FAT2: variants seen among roughly 807,000 people sequenced by gnomAD.
FAT2 encodes the protein protocadherin Fat 2.
A neutral mutation model predicts 295.3 loss-of-function variants in FAT2; 150 were observed. That is an observed-to-expected ratio of 0.51 (90% CI 0.44 to 0.58). The LOEUF (loss-of-function observed/expected upper bound fraction) is 0.58, where lower values mean the gene tolerates loss of function less well. FAT2 is among the 20% of genes least tolerant of loss of function. The probability of loss-of-function intolerance (pLI) is 0.00; values close to 1 mark genes in which losing one functional copy is unlikely to be tolerated. For synonymous variants in FAT2, 2,026 were observed against 2,150.3 expected, an observed-to-expected ratio of 0.94 and a Z score of 1.60; for missense variants, 4,868 against 5,442.7, an observed-to-expected ratio of 0.89 and a Z score of 3.32.
chr5:151,543,715 G>A lies in FAT2; in HGVS notation c.7412C>T (p.Thr2471Ile). ...FRATVPVYIN[T>I]TNANKYSPEF... is the part of the protein sequence containing the mutation. ...TGGGCTGTACTTGTTGGCATTTGTA[G>A]TGTTGATGTACACAGGCACAGTTGC... The change falls in exon 10 of 24, where the codon ACT (threonine) becomes ATT (isoleucine). Residue 2471 changes from threonine (T) to isoleucine (I), a missense_variant. By Grantham distance (89) the Thr-to-Ile change is moderately conservative (BLOSUM62 -1). Around this residue, in one of 5 missense-constraint regions of FAT2, gnomAD observed 3,297 missense variants for 3,669.4 expected, o/e 0.90. Transcript: ENST00000261800. The A allele has an allele frequency of 6.2e-7, 1 of 1,614,176 alleles. No individual in the cohort carries two copies. The highest frequency in any genetic ancestry group is 1.1e-5 in the South Asian group (1 of 91,080).
upstream of FAT2, among the ~76,000 whole-genome samples, chr5:151,593,455 CTGACCCACTCCTGGT>C (rs1171315580): frequency 6.6e-6 from 1 of 152,200 alleles, no homozygotes; most frequent in East Asian, 1.9e-4. Context: ...TACCACTCTC[CTGACCCACTCCTGGT>C]CCTTCTCCCT....
At chr5:151,536,672 A>G (rs1184534137) in intron 12 of FAT2, among the ~76,000 whole-genome samples, 1 of 152,230 alleles carries the variant, frequency 6.6e-6, no homozygotes, top group East Asian at 1.9e-4. Context: ...AGTAACAATG[A>G]TAATGGCAAC....
At chr5:151,518,230 G>A (rs1484278470) in intron 19 of FAT2, among the ~76,000 whole-genome samples, 1 of 151,864 alleles carries the variant, frequency 6.6e-6, no homozygotes, top group Non-Finnish European at 1.5e-5. Flanking sequence ...CCAGTTACTT[G>A]GAATTACATC....
At chr5:151,538,168 G>A (rs1034000604) in intron 11 of FAT2, among the ~76,000 whole-genome samples, 1 of 152,142 alleles carries the variant, frequency 6.6e-6, no homozygotes, top group Non-Finnish European at 1.5e-5. Context: ...AACATGCAAG[G>A]AAAACTGAGG....
chr5:151,522,174 T>A, intron 18 of FAT2, 88 bp from the exon 19 acceptor site: 1 of 1,095,914 alleles, frequency 9.1e-7, no homozygotes, highest in Non-Finnish European at 1.3e-6. Context: ...TGGAGCTACG[T>A]TTCTCTGCCC....
chr5:151,515,613 A>G (rs1392113391), intron 20 of FAT2, among the ~76,000 whole-genome samples: 1 of 152,074 alleles, frequency 6.6e-6, no homozygotes, highest in Non-Finnish European at 1.5e-5. Flanking sequence ...CCAGGCCAAA[A>G]TCTCACTACT....
upstream of FAT2, among the ~76,000 whole-genome samples, chr5:151,594,342 G>A (rs1759509925): frequency 6.6e-6 from 1 of 152,154 alleles, no homozygotes; most frequent in Admixed American, 6.5e-5. Context: ...CCTCAGGGAT[G>A]GGTCTATATC....
chr5:151,545,615 A>G lies in FAT2; in HGVS notation c.5512T>C (p.Phe1838Leu), dbSNP rs142666998. 4.1e-5 allele frequency: 66 copies of G among 1,614,084 alleles called. No homozygotes were observed. In the African/African-American group the frequency reaches 8.3e-4, roughly 20 times the overall value. Residue 1838 changes from phenylalanine (F) to leucine (L), a missense_variant, in exon 10 of 24, where the codon TTC becomes CTC. Around this residue, in one of 5 missense-constraint regions of FAT2, gnomAD observed 3,297 missense variants for 3,669.4 expected, o/e 0.90. Transcript: ENST00000261800. ...CCTTGGTCATGGACATAGACACAGA[A>G]TTGGAAAGAGGGCATGCTCTCATAA... ...MDYESMPSFQ[F>L]CVYVHDQGSP...
At chr5:151,518,241 C>T (rs947944343) in intron 19 of FAT2, among the ~76,000 whole-genome samples, 1 of 151,874 alleles carries the variant, frequency 6.6e-6, no homozygotes, top group Non-Finnish European at 1.5e-5. Context: ...GAATTACATC[C>T]TCTCAGCTGA....
chr5:151,569,110 A>T (rs1399249424), intron 1 of FAT2, among the ~76,000 whole-genome samples, 159 bp from the exon 2 acceptor site: 1 of 152,194 alleles, frequency 6.6e-6, no homozygotes, highest in Non-Finnish European at 1.5e-5. Context: ...TGCTAATGGC[A>T]TCTGGCAGGT....
chr5:151,526,011 G>T lies in FAT2; in HGVS notation c.10309-46C>A, dbSNP rs186569670. The T allele has an allele frequency of 3.2e-6, 5 of 1,582,976 alleles. No individual in the cohort carries two copies. The South Asian group carries it at 4.5e-5, about 14-fold the overall frequency. On this transcript the variant is annotated intron_variant, in intron 17 of 23. Transcript: ENST00000261800. ...GAAGGCAAAGAGCAGAATGAGTCCC[G>T]GTCCTTCCTTTCGCACGTGTCTGGG... is the stretch of plus-strand genomic sequence containing the variant.
At chr5:151,528,447 G>A (rs964314723) in intron 15 of FAT2, among the ~76,000 whole-genome samples, 1 of 152,178 alleles carries the variant, frequency 6.6e-6, no homozygotes. Flanking sequence ...TTCTAATTTG[G>A]AGTAAAGTAT....
rs367787262 is a variant in FAT2 at position 151,504,990 on chromosome 5, C to G, written c.*575G>C. 2 of 154,956 alleles carry G rather than the reference C, an allele frequency of 1.3e-5. No homozygotes were observed. The highest frequency in any genetic ancestry group is 3.8e-4 in the East Asian group (2 of 5,198). 9.6% of individuals were successfully genotyped at this position (154,956 alleles called of 1,614,324 possible). A position where few individuals can be genotyped will look rare whatever the true frequency, so the allele number is the denominator to read the frequency against. ...GCAAAGCACAGTGCCTGACGTGGAGCAGACACTTGACAAAGACACAGTGAG... is the reference window on the plus strand; with the variant it reads ...GCAAAGCACAGTGCCTGACGTGGAGGAGACACTTGACAAAGACACAGTGAG... On this transcript the variant is annotated 3_prime_UTR_variant, in exon 24 of 24. Coordinates refer to ENST00000261800, the MANE Select transcript of FAT2 (RefSeq NM_001447.3).
intron 19 of FAT2, among the ~76,000 whole-genome samples, chr5:151,520,983 G>A (rs1204961239): frequency 1.3e-5 from 2 of 152,354 alleles, no homozygotes; most frequent in South Asian, 4.1e-4. Context: ...GTAGAGCTGG[G>A]ATTTTAACCC....
In FAT2 at chr5:151,537,907, C is replaced by A; in HGVS notation, c.9079G>T (p.Gly3027Ter). The stretch of plus-strand genomic sequence containing the variant: ...GCAGAAACCTTCAAAATGAAGTGTC[C>A]TGGAAATACATCTTCATGAACCTTG... ...TGKVHEDVFP[G>*]HFILKVSATD... Residue 3027 changes from glycine to a stop codon, truncating the protein, a stop_gained, in exon 12 of 24, where the codon GGA (glycine) becomes TGA (stop). Transcript: ENST00000261800. LOFTEE classifies it high-confidence loss of function. The A allele has an allele frequency of 6.2e-7, 1 of 1,614,060 alleles. No homozygotes were observed. The highest frequency in any genetic ancestry group is 8.5e-7 in the Non-Finnish European group (1 of 1,179,974).
In FAT2 at chr5:151,546,097, G is replaced by A. The variant is rs1246063009; in HGVS notation, c.5030C>T (p.Ser1677Phe). 5 of 1,614,016 alleles carry A rather than the reference G, an allele frequency of 3.1e-6. No individual in the cohort carries two copies. Among genetic ancestry groups the A allele is most frequent in the Non-Finnish European group, 4.2e-6 (5 of 1,180,032 alleles). Residue 1677 changes from serine to phenylalanine, a missense_variant, in exon 10 of 24, where the codon TCC becomes TTC. Ser to Phe is a radical substitution (Grantham distance 155). Coordinates refer to ENST00000261800, the MANE Select transcript of FAT2 (RefSeq NM_001447.3). ...CATAGCAGAGACAAGGAGGATTGGGGAACCAACAGGGATTGATTCAGGGAT... is the reference window on the plus strand; with the variant it reads ...CATAGCAGAGACAAGGAGGATTGGGAAACCAACAGGGATTGATTCAGGGAT... ...VEIPESIPVG[S>F]PILLVSAMSP...
chr5:151,565,647 A>AGGCGCC, intron 2 of FAT2, 26 bp downstream of exon 2: 1 of 1,461,024 alleles, frequency 6.8e-7, no homozygotes, highest in Non-Finnish European at 9.3e-7. Flanking sequence ...TGGCCCTGGC[A>AGGCGCC]CCCCACCCTA....
intron 13 of FAT2, among the ~76,000 whole-genome samples, chr5:151,532,379 G>A (rs951810213): frequency 1.8e-5 from 2 of 113,194 alleles, no homozygotes; most frequent in Non-Finnish European, 1.8e-5. Context: ...AACTAAGTGT[G>A]CGTGTACAAA....
chr5:151,584,594 T>A (rs376029262), intron 1 of FAT2, among the ~76,000 whole-genome samples: 5 of 152,196 alleles, frequency 3.3e-5, no homozygotes, highest in Non-Finnish European at 2.9e-5. Flanking sequence ...CTGCCCAGTA[T>A]AATAGTAACG....
Sources: gnomAD v4.1 joint callset for allele counts (sites outside exome capture counted in the v4.1 genomes callset) on GRCh38, gnomAD v4.1.1 for gene constraint, gnomAD v4.1.1 regional missense constraint, MANE v1.5 for transcripts, NCBI Gene and HGNC (gene_info 2026-07-23, HGNC 2026-07-21) for gene names.